Variants in DDX10 observed in about 807,000 individuals in gnomAD.
The protein encoded by DDX10 is DEAD-box helicase 10, also known as probable ATP-dependent RNA helicase DDX10.
A neutral mutation model predicts 104.3 loss-of-function variants in DDX10; 74 were observed. The observed-to-expected ratio is 0.71, with a 90% CI of 0.59 to 0.86. The LOEUF is 0.86. Ranked by LOEUF, DDX10 falls within the 40% of genes least tolerant of loss-of-function variation. DDX10 has a pLI of 0.00. For missense variants in DDX10, 952 were observed against 1,040.0 expected (o/e 0.92, Z 1.16); for synonymous variants, 351 against 353.4 (o/e 0.99, Z 0.08).
chr11:108,783,326 A>G (rs1387017442), intron 13 of DDX10, among the ~76,000 whole-genome samples: 1 of 152,204 alleles, frequency 6.6e-6, no homozygotes. Flanking sequence ...TGAGGGAATA[A>G]TTGGTAATCT....
At chr11:108,677,707 A>G (rs2094227742) in intron 4 of DDX10, among the ~76,000 whole-genome samples, 1 of 146,750 alleles carries the variant, frequency 6.8e-6, no homozygotes, top group Non-Finnish European at 1.5e-5. Flanking sequence ...GCACATCTAG[A>G]ATGCCTCTAT....
chr11:108,823,766 C>T (rs541345927), intron 13 of DDX10, among the ~76,000 whole-genome samples: 9 of 152,294 alleles, frequency 5.9e-5, no homozygotes, highest in African/African-American at 9.6e-5. Context: ...TGCTTTAAGC[C>T]GCACTAACCA....
At chr11:108,882,645 GA>G (rs1863242543) in intron 16 of DDX10, among the ~76,000 whole-genome samples, 1 of 152,156 alleles carries the variant, frequency 6.6e-6, no homozygotes, top group Non-Finnish European at 1.5e-5. Context: ...TATGTAAATA[GA>G]GAGTCAAATT....
At chr11:108,837,811 T>TG (rs1362390961) in intron 13 of DDX10, among the ~76,000 whole-genome samples, 10 of 151,484 alleles carry the variant, frequency 6.6e-5, no homozygotes, top group African/African-American at 2.4e-4. Context: ...TTAGTAGAGA[T>TG]GGGGTTTCAC....
intron 16 of DDX10, among the ~76,000 whole-genome samples, chr11:108,891,521 A>G (rs1863376191): frequency 6.6e-6 from 1 of 152,228 alleles, no homozygotes; most frequent in Non-Finnish European, 1.5e-5. Context: ...CTCAAATTAT[A>G]TATGACTCTG....
intron 16 of DDX10, among the ~76,000 whole-genome samples, chr11:108,873,157 T>C (rs1258104434): frequency 1.3e-5 from 2 of 152,188 alleles, no homozygotes; most frequent in African/African-American, 2.4e-5. Flanking sequence ...TAGGGTAATA[T>C]GGTATTTAAA....
intron 16 of DDX10, among the ~76,000 whole-genome samples, chr11:108,865,498 C>T (rs999186714): frequency 2.0e-5 from 3 of 152,064 alleles, no homozygotes; most frequent in African/African-American, 4.8e-5. Context: ...CTAACCATTT[C>T]GGTAGAAAGG....
chr11:108,914,273 T>C (rs1265041153), intron 16 of DDX10, among the ~76,000 whole-genome samples: 4 of 152,216 alleles, frequency 2.6e-5, no homozygotes, highest in Non-Finnish European at 5.9e-5. Context: ...GCATAGTAAA[T>C]TGTGGCATTA....
Position 108,795,277 on chromosome 11 carries a change from A to AT in DDX10, c.1966-43152dup, listed in dbSNP as rs559914594. ...TTCTCCAAATTGTCTGGGCCTGGAA[A>AT]TTTTTTTTTTTTTTTTTATGGGAGG... On this transcript the variant is annotated intron_variant, in intron 13 of 17. Transcript: ENST00000322536. Among the ~76,000 whole-genome samples, 1,035 of 131,220 alleles carry AT rather than the reference A, an allele frequency of 7.9e-3. 5 individuals carry two copies. Among genetic ancestry groups the AT allele is most frequent in the Middle Eastern group, 0.017 (4 of 238 alleles). The allele number at this position is 131,220 out of a possible 152,430, so 86.1% of individuals were successfully genotyped here. A position where few individuals can be genotyped will look rare whatever the true frequency, so the allele number is the denominator to read the frequency against.
intron 12 of DDX10, 111 bp from the exon 13 acceptor site, chr11:108,722,886 T>G (rs2134475929): frequency 7.0e-7 from 1 of 1,436,516 alleles, no homozygotes; most frequent in South Asian, 1.5e-5. Context: ...CACAGGAACA[T>G]TTTCTTTAAA....
rs762054512 is a variant in DDX10 at position 108,693,611 on chromosome 11, T to G, written c.1223+11T>G. 4.4e-6 allele frequency: 7 copies of G among 1,592,692 alleles called. No homozygotes were observed. The highest frequency in any genetic ancestry group is 5.2e-6 in the Non-Finnish European group (6 of 1,160,662). On this transcript the variant is annotated intron_variant, in intron 9 of 17. Transcript: ENST00000322536. ...AGGTAGAACTGCCAGGTAGGTGTAC[T>G]GACTAATTTCTTTTCTTTTGCTACT...
At chr11:108,852,284 A>G (rs1178822123) in intron 16 of DDX10, 75 bp downstream of exon 16, 13 of 1,086,308 alleles carry the variant, frequency 1.2e-5, no homozygotes, top group African/African-American at 1.6e-5. Context: ...TATTTTGGCA[A>G]GAACAATGCT....
chr11:108,897,742 C>T (rs1345773824), intron 16 of DDX10, among the ~76,000 whole-genome samples: 1 of 151,590 alleles, frequency 6.6e-6, no homozygotes, highest in African/African-American at 2.4e-5. Flanking sequence ...ATATGTCTTT[C>T]TTTCAGTTTG....
Position 108,704,402 on chromosome 11 carries a change from G to A in DDX10, c.1224-2337G>A, listed in dbSNP as rs145382415. Among the ~76,000 whole-genome samples the A allele has an allele frequency of 2.3e-4, 35 of 152,320 alleles. 1 individual carries two copies. Among genetic ancestry groups the A allele is most frequent in the South Asian group, 1.4e-3 (7 of 4,832 alleles). ...AAACAGAATAAGCCTTTCTACTTCT[G>A]AAGGTAATTCGCTTAACCTCAAGAG... On this transcript the variant is annotated intron_variant, in intron 9 of 17. Coordinates refer to ENST00000322536, the MANE Select transcript of DDX10 (RefSeq NM_004398.4).
chr11:108,896,380 G>T (rs186079084), intron 16 of DDX10, among the ~76,000 whole-genome samples: 4 of 150,426 alleles, frequency 2.7e-5, no homozygotes, highest in East Asian at 1.9e-4. Context: ...CTGCCAATGC[G>T]TGTTTTAACT....
intron 2 of DDX10, among the ~76,000 whole-genome samples, chr11:108,674,544 T>G (rs1026532054): frequency 6.6e-5 from 10 of 151,800 alleles, no homozygotes; most frequent in Non-Finnish European, 1.5e-5. Flanking sequence ...AGGGTCTTGC[T>G]CCGTCACCCA....
intron 9 of DDX10, among the ~76,000 whole-genome samples, chr11:108,704,961 G>T (rs1432451796): frequency 6.6e-6 from 1 of 151,996 alleles, no homozygotes; most frequent in African/African-American, 2.4e-5. Flanking sequence ...TATTCTTTAG[G>T]TCTTAGTTTA....
intron 13 of DDX10, among the ~76,000 whole-genome samples, chr11:108,728,466 ACTGT>A (rs1186197483): frequency 1.3e-5 from 2 of 150,090 alleles, no homozygotes. Flanking sequence ...AGAGATAACA[ACTGT>A]CTTTGTTTTT....
chr11:108,675,906 C>T (rs771320200), intron 3 of DDX10, 180 bp downstream of exon 3: 1 of 683,748 alleles, frequency 1.5e-6, no homozygotes, highest in African/African-American at 1.8e-5. Context: ...TCCCCAGGTT[C>T]TAGCACAGTG....
Sources: gnomAD v4.1 joint callset for allele counts (sites outside exome capture counted in the v4.1 genomes callset) on GRCh38, gnomAD v4.1.1 for gene constraint, MANE v1.5 for transcripts, NCBI Gene and HGNC (gene_info 2026-07-23, HGNC 2026-07-21) for gene names.